The following BCL9 variants were observed in gnomAD, a reference collection of about 807,000 sequenced individuals.
The protein encoded by BCL9 is BCL9 transcription coactivator.
Under a neutral mutation model 88.5 loss-of-function variants are expected in BCL9, and 25 were observed. The ratio of observed to expected loss-of-function variants is 0.28; its 90% confidence interval spans 0.21 to 0.39. The LOEUF (loss-of-function observed/expected upper bound fraction) is 0.39, where lower values mean the gene tolerates loss of function less well. BCL9 is among the 10% of genes least tolerant of loss of function. The pLI is 1.00. For missense variants in BCL9, 1,817 were observed against 1,877.8 expected, an observed-to-expected ratio of 0.97 and a Z score of 0.60; for synonymous variants, 711 against 673.3, an observed-to-expected ratio of 1.06 and a Z score of -0.87.
chr1:147,551,473 GT>G (rs1453405082), intron 1 of BCL9, among the ~76,000 whole-genome samples: 1 of 152,204 alleles, frequency 6.6e-6, no homozygotes, highest in African/African-American at 2.4e-5. Flanking sequence ...TCAAGGATAA[GT>G]TTTGGATAGG....
intron 1 of BCL9, among the ~76,000 whole-genome samples, chr1:147,561,558 T>C (rs1655375294): frequency 1.3e-5 from 2 of 152,212 alleles, no homozygotes; most frequent in African/African-American, 2.4e-5. Flanking sequence ...CAAACATGAA[T>C]TTTAGTGTCT....
Position 147,626,100 on chromosome 1 carries a change from C to A in BCL9, c.*1141C>A. The stretch of plus-strand genomic sequence containing the variant: ...TTTGTTTTAAATTTTGTGGTTCCTT[C>A]CCTTTCCTCCCCCTCCCATGCGTAA... On this transcript the variant is annotated 3_prime_UTR_variant, in exon 10 of 10. Coordinates refer to ENST00000234739, the MANE Select transcript of BCL9 (RefSeq NM_004326.4). 4.6e-6 allele frequency: 1 copy of A among 217,436 alleles called. No individual in the cohort carries two copies. Among genetic ancestry groups the A allele is most frequent in the Admixed American group, 5.8e-5 (1 of 17,162 alleles). The allele number at this position is 217,436 out of a possible 1,614,324, so 13.5% of individuals were successfully genotyped here.
Position 147,618,886 on chromosome 1 carries a change from A to G in BCL9, c.731A>G (p.Gln244Arg). The change falls in exon 8 of 10, where the codon CAG (glutamine) becomes CGG (arginine). Residue 244 changes from glutamine (Q) to arginine (R), a missense_variant. Around this residue, in one of 2 missense-constraint regions of BCL9, gnomAD observed 1,228 missense variants for 1,191.6 expected, o/e 1.03. Coordinates refer to ENST00000234739, the MANE Select transcript of BCL9 (RefSeq NM_004326.4). ...LPQQPPAPAN[Q>R]DQNSSQNTRL... ...CAACAGCCCCCAGCTCCGGCCAACC[A>G]GGACCAGAATTCTTCCCAGAATACC... The G allele has an allele frequency of 6.2e-7, 1 of 1,611,606 alleles. No individual in the cohort carries two copies.
intron 6 of BCL9, 109 bp from the exon 7 acceptor site, chr1:147,615,694 T>C (rs1658241302): frequency 1.4e-6 from 1 of 712,816 alleles, no homozygotes; most frequent in Non-Finnish European, 2.3e-6. Context: ...TGGTTCTTTC[T>C]ATTCCTTCCT....
At position 147,611,882 on chromosome 1, in the gene BCL9, A is replaced by T. The variant is rs1658021310; in HGVS notation, c.46A>T (p.Thr16Ser). 6.2e-7 allele frequency: 1 copy of T among 1,614,050 alleles called. No individual in the cohort carries two copies. The highest frequency in any genetic ancestry group is 8.5e-7 in the Non-Finnish European group (1 of 1,179,996). ...AGTGAGGAGCTCTCCATCAGGAAAC[A>T]CACAGAGGTAAGGGCTGGGCTGGGG... Reference protein sequence around the residue: ...PKVRSSPSGNTQSSPKSKQEV... With the variant: ...PKVRSSPSGNSQSSPKSKQEV... The change falls in exon 4 of 10, where the codon ACA becomes TCA. Residue 16 changes from threonine (T) to serine (S), a missense_variant. Thr to Ser is a moderately conservative substitution (Grantham distance 58). This residue lies in a region of BCL9 where 1,228 missense variants were observed against 1,191.6 expected (regional missense o/e 1.03). Coordinates refer to ENST00000234739, the MANE Select transcript of BCL9 (RefSeq NM_004326.4).
At chr1:147,588,013 T>G (rs1032815139) in intron 1 of BCL9, among the ~76,000 whole-genome samples, 2 of 152,232 alleles carry the variant, frequency 1.3e-5, no homozygotes, top group East Asian at 3.8e-4. Context: ...AATATGTGCT[T>G]CTTTATTAGA....
chr1:147,589,072 C>A (rs1281173297), intron 1 of BCL9, among the ~76,000 whole-genome samples: 1 of 152,154 alleles, frequency 6.6e-6, no homozygotes, highest in Non-Finnish European at 1.5e-5. Context: ...AGGGTGAGCA[C>A]CATATTAGCC....
chr1:147,613,197 A>C lies in BCL9; in HGVS notation c.368A>C (p.Lys123Thr). 2 of 1,614,132 alleles carry C rather than the reference A, an allele frequency of 1.2e-6. No homozygotes were observed. The highest frequency in any genetic ancestry group is 1.7e-6 in the Non-Finnish European group (2 of 1,179,994). The part of the protein sequence containing the change: ...PGTPNDDSDI[K>T]ECNSADHIKS... Reference sequence around the variant, plus strand: ...ACTCCAAACGATGACTCTGACATTAAAGGTATGTCTATAAGATCTTTGAGA... The same window carrying C: ...ACTCCAAACGATGACTCTGACATTACAGGTATGTCTATAAGATCTTTGAGA... Residue 123 changes from lysine (K) to threonine (T), a missense_variant and splice_region_variant, in exon 5 of 10, where the codon AAA becomes ACA. By Grantham distance (78) the Lys-to-Thr change is moderately conservative. Coordinates refer to ENST00000234739, the MANE Select transcript of BCL9 (RefSeq NM_004326.4).
intron 3 of BCL9, among the ~76,000 whole-genome samples, chr1:147,607,513 A>G (rs782412467): frequency 9.2e-5 from 14 of 152,242 alleles, no homozygotes; most frequent in African/African-American, 3.4e-4. Flanking sequence ...ATTACAAAGC[A>G]TGAAAAATGT....
At position 147,624,138 on chromosome 1, in the gene BCL9, C is replaced by T. The variant is rs1327479920; in HGVS notation, c.3460C>T (p.Pro1154Ser). The part of the protein sequence containing the change: ...VQSPPQQVPF[P>S]HNGPSGGQGS... The stretch of plus-strand genomic sequence containing the variant: ...GTCTCCCCCACAGCAGGTTCCATTC[C>T]CTCACAATGGCCCCAGTGGGGGGCA... Residue 1154 changes from proline (P) to serine (S), a missense_variant, in exon 10 of 10, where the codon CCT becomes TCT. This residue lies in a region of BCL9 where 589 missense variants were observed against 686.2 expected (regional missense o/e 0.86). Coordinates refer to ENST00000234739, the MANE Select transcript of BCL9 (RefSeq NM_004326.4). This position sits in a 1 kb window ranked among gnomAD's most constrained non-coding sequence, Gnocchi z 4.4. 1.3e-6 allele frequency: 2 copies of T among 1,594,844 alleles called. No homozygotes were observed. The highest frequency in any genetic ancestry group is 1.7e-6 in the Non-Finnish European group (2 of 1,168,824).
intron 3 of BCL9, among the ~76,000 whole-genome samples, chr1:147,609,806 T>G (rs1008189993): frequency 2.6e-5 from 4 of 152,210 alleles, no homozygotes; most frequent in African/African-American, 9.7e-5. Flanking sequence ...TCTAACTACA[T>G]GCTTAGTACA....
At chr1:147,588,030 A>G (rs1474013521) in intron 1 of BCL9, among the ~76,000 whole-genome samples, 2 of 152,250 alleles carry the variant, frequency 1.3e-5, no homozygotes, top group East Asian at 1.9e-4. Context: ...TAGAACGTTA[A>G]TTAAAAAGTC....
intron 6 of BCL9, among the ~76,000 whole-genome samples, chr1:147,615,307 T>G (rs1322448026): frequency 6.6e-6 from 1 of 152,238 alleles, no homozygotes; most frequent in African/African-American, 2.4e-5. Flanking sequence ...ATAACTACTG[T>G]AAACATTTTT....
At chr1:147,590,295 A>C (rs1553199740) in intron 1 of BCL9, among the ~76,000 whole-genome samples, 1 of 152,220 alleles carries the variant, frequency 6.6e-6, no homozygotes, top group African/African-American at 2.4e-5. Context: ...AACTTACACT[A>C]TTCTTCCTTC....
At chr1:147,560,622 T>G (rs1398912718) in intron 1 of BCL9, among the ~76,000 whole-genome samples, 2 of 142,084 alleles carry the variant, frequency 1.4e-5, no homozygotes, top group Non-Finnish European at 3.1e-5. Context: ...AAAAAAAGAA[T>G]AAGGCCAGGA....
At chr1:147,543,719 T>C (rs1231490153) in intron 1 of BCL9, among the ~76,000 whole-genome samples, 1 of 152,128 alleles carries the variant, frequency 6.6e-6, no homozygotes, top group Non-Finnish European at 1.5e-5. Context: ...TAGATGAGGA[T>C]GTTAAGGTCC....
intron 5 of BCL9, among the ~76,000 whole-genome samples, chr1:147,614,072 T>G (rs1553203237): frequency 1.3e-5 from 2 of 152,322 alleles, no homozygotes; most frequent in East Asian, 3.9e-4. Flanking sequence ...GAAAGCTGAT[T>G]ATTAGACAGT....
intron 1 of BCL9, among the ~76,000 whole-genome samples, chr1:147,584,790 C>T (rs1346348584): frequency 6.6e-6 from 1 of 152,208 alleles, no homozygotes; most frequent in Non-Finnish European, 1.5e-5. Context: ...TCCTAAAGTA[C>T]ACAAATGGTA....
chr1:147,567,377 T>C (rs1467837692), intron 1 of BCL9, among the ~76,000 whole-genome samples: 1 of 152,206 alleles, frequency 6.6e-6, no homozygotes, highest in Non-Finnish European at 1.5e-5. Context: ...TCAGTAAGTA[T>C]AGGAAGAGAA....
Sources: allele counts gnomAD v4.1 joint callset (sites outside exome capture counted in the v4.1 genomes callset), GRCh38; gene constraint gnomAD v4.1.1; regional missense constraint gnomAD v4.1.1; non-coding constraint Gnocchi (gnomAD v3.1); transcripts MANE v1.5; gene names NCBI Gene and HGNC (gene_info 2026-07-23, HGNC 2026-07-21).